The following HTR3B variants were observed in gnomAD, a reference collection of about 807,000 sequenced individuals.
The protein encoded by HTR3B is 5-hydroxytryptamine (serotonin) receptor 3B, ionotropic.
Under a neutral mutation model 42.8 loss-of-function variants are expected in HTR3B, and 44 were observed. The observed-to-expected ratio is 1.03, with a 90% CI of 0.81 to 1.32. The LOEUF (loss-of-function observed/expected upper bound fraction) is 1.32. Among genes scored for constraint, HTR3B ranks in the 40% most tolerant of loss-of-function variants. The pLI is 0.00. For missense variants in HTR3B, 527 were observed against 536.5 expected (o/e 0.98, Z 0.17); for synonymous variants, 203 against 209.0 (o/e 0.97, Z 0.25).
At chr11:113,909,247 A>G (rs1170626431) in intron 1 of HTR3B, 48 bp from the exon 2 acceptor site, 1 of 1,507,238 alleles carries the variant, frequency 6.6e-7, no homozygotes, top group Non-Finnish European at 9.2e-7. Context: ...TCCTAAAGAA[A>G]CCAAGCTCCT....
At chr11:113,915,853 T>TC in intron 2 of HTR3B, among the ~76,000 whole-genome samples, 1 of 152,260 alleles carries the variant, frequency 6.6e-6, no homozygotes, top group Non-Finnish European at 1.5e-5. Flanking sequence ...AATGTTTTTT[T>TC]TTTAGACGGA....
rs1950043894 is a variant in HTR3B, at chr11:113,932,323, G to A, written c.403G>A (p.Val135Ile). The A allele has an allele frequency of 6.2e-7, 1 of 1,613,490 alleles. No individual in the cohort carries two copies. The highest frequency in any genetic ancestry group is 8.5e-7 in the Non-Finnish European group (1 of 1,179,584). The change falls in exon 5 of 9, where the codon GTT becomes ATT. Residue 135 changes from valine (V) to isoleucine (I), a missense_variant. By Grantham distance (29) the Val-to-Ile change is conservative. Transcript: ENST00000260191. ...DIERYPDLPYVYVNSSGTIEN... is the reference protein window; with the variant it reads ...DIERYPDLPYIYVNSSGTIEN... ...TGAAAGATACCCTGACCTTCCCTAT[G>A]TTTATGTGAACTCATCTGGGACCAT...
At chr11:113,900,187 G>A (rs1205968944), upstream of HTR3B, among the ~76,000 whole-genome samples, 1 of 150,902 alleles carries the variant, frequency 6.6e-6, no homozygotes, top group Non-Finnish European at 1.5e-5. Context: ...GAACTTGGGA[G>A]GCAGAGGTTG....
rs1173341961 is a variant in HTR3B at position 113,948,915 on chromosome 11, G to C, written c.*2778G>C. Among the ~76,000 whole-genome samples the C allele has an allele frequency of 6.6e-6, 1 of 152,034 alleles. No individual in the cohort carries two copies. The highest frequency in any genetic ancestry group is 1.5e-5 in the Non-Finnish European group (1 of 68,008). Reference sequence around the variant, plus strand: ...TTGGGAAGGGGGAGGGATAGCATTAGAAGATATACCTAATGTTAATGGGTG... The same window carrying C: ...TTGGGAAGGGGGAGGGATAGCATTACAAGATATACCTAATGTTAATGGGTG... On this transcript the variant is annotated 3_prime_UTR_variant, in exon 9 of 9. Coordinates refer to ENST00000260191, the MANE Select transcript of HTR3B (RefSeq NM_006028.5).
chr11:113,911,835 C>T (rs1329553986), intron 2 of HTR3B, among the ~76,000 whole-genome samples: 1 of 152,026 alleles, frequency 6.6e-6, no homozygotes, highest in Non-Finnish European at 1.5e-5. Context: ...GGCCATATAA[C>T]CCATATCTCT....
At chr11:113,904,679 G>A (rs1052472966), upstream of HTR3B, 12 of 424,166 alleles carry the variant, frequency 2.8e-5, no homozygotes, top group Admixed American at 1.2e-4. Context: ...TGTTGGCCAC[G>A]GTCTGATCTT....
intron 2 of HTR3B, among the ~76,000 whole-genome samples, chr11:113,919,594 C>T (rs796218153): frequency 3.4e-4 from 52 of 152,018 alleles, no homozygotes; most frequent in African/African-American, 1.2e-3. Context: ...TTTGGGAGGC[C>T]GAGGCAGGTG....
Position 113,946,256 on chromosome 11 carries a change from T to G in HTR3B, c.*119T>G. The G allele has an allele frequency of 1.3e-6, 1 of 743,694 alleles. No homozygotes were observed. Among genetic ancestry groups the G allele is most frequent in the Non-Finnish European group, 2.3e-6 (1 of 441,546 alleles). 46.1% of individuals were successfully genotyped at this position (743,694 alleles called of 1,614,324 possible). On this transcript the variant is annotated 3_prime_UTR_variant, in exon 9 of 9. Coordinates refer to ENST00000260191, the MANE Select transcript of HTR3B (RefSeq NM_006028.5). ...TGGTTCTTGCCTATAGTCCCAGTGC[T>G]TTGGGAGGCCATAGCAGGAGGATTG...
At chr11:113,933,664 C>T (rs556475065) in intron 6 of HTR3B, among the ~76,000 whole-genome samples, 3 of 152,202 alleles carry the variant, frequency 2.0e-5, no homozygotes, top group Admixed American at 1.3e-4. Context: ...CACACTCCTC[C>T]GATGCAGCCC....
At chr11:113,909,104 G>A (rs1433809637) in intron 1 of HTR3B, 191 bp from the exon 2 acceptor site, 10 of 600,682 alleles carry the variant, frequency 1.7e-5, no homozygotes, top group Non-Finnish European at 2.6e-5. Flanking sequence ...TTTCTCCATT[G>A]GGCACTTAGG....
chr11:113,924,025 T>C (rs902246495), intron 2 of HTR3B, among the ~76,000 whole-genome samples: 7 of 152,070 alleles, frequency 4.6e-5, no homozygotes, highest in African/African-American at 1.7e-4. Flanking sequence ...AAAATGATAG[T>C]GAAATGAAAC....
At chr11:113,914,294 G>A (rs1949830722) in intron 2 of HTR3B, among the ~76,000 whole-genome samples, 2 of 151,284 alleles carry the variant, frequency 1.3e-5, no homozygotes, top group Admixed American at 6.6e-5. Flanking sequence ...GAGAAACCCC[G>A]TCTCTACTAA....
chr11:113,930,555 C>T (rs935259069), intron 2 of HTR3B, among the ~76,000 whole-genome samples: 5 of 136,744 alleles, frequency 3.7e-5, no homozygotes, highest in African/African-American at 1.1e-4. Context: ...GTGGCACAAA[C>T]ATGGCCCACT....
chr11:113,910,250 C>T (rs555889936), intron 2 of HTR3B, among the ~76,000 whole-genome samples: 101 of 152,218 alleles, frequency 6.6e-4, no homozygotes, highest in African/African-American at 2.3e-3. Context: ...TTTATTAAAG[C>T]ATCCTTTTTC....
chr11:113,902,520 C>T (rs1425224208), upstream of HTR3B, among the ~76,000 whole-genome samples: 3 of 152,134 alleles, frequency 2.0e-5, no homozygotes, highest in Non-Finnish European at 4.4e-5. Flanking sequence ...TGGCCTTGAA[C>T]TCCTGATCTC....
chr11:113,913,932 G>C (rs1949825220), intron 2 of HTR3B, among the ~76,000 whole-genome samples: 1 of 152,124 alleles, frequency 6.6e-6, no homozygotes, highest in Non-Finnish European at 1.5e-5. Context: ...ACATGCTCTT[G>C]ACCTCTTGCT....
intron 2 of HTR3B, among the ~76,000 whole-genome samples, chr11:113,919,358 T>G (rs1392514837): frequency 6.6e-6 from 1 of 152,246 alleles, no homozygotes; most frequent in Admixed American, 6.5e-5. Context: ...CACAAAATGA[T>G]GTTATTATTT....
At chr11:113,907,554 C>A (rs536249969) in intron 1 of HTR3B, among the ~76,000 whole-genome samples, 2 of 152,194 alleles carry the variant, frequency 1.3e-5, no homozygotes, top group African/African-American at 4.8e-5. Flanking sequence ...GTGCTTGATT[C>A]TCTTTTGTTC....
At chr11:113,928,962 G>A (rs1950004347) in intron 2 of HTR3B, among the ~76,000 whole-genome samples, 1 of 152,208 alleles carries the variant, frequency 6.6e-6, no homozygotes, top group African/African-American at 2.4e-5. Context: ...TGTGAATAAT[G>A]CTGCTATGAA....
Sources: allele counts gnomAD v4.1 joint callset (sites outside exome capture counted in the v4.1 genomes callset), GRCh38; gene constraint gnomAD v4.1.1; transcripts MANE v1.5; gene names NCBI Gene and HGNC (gene_info 2026-07-23, HGNC 2026-07-21).